Variants in CNTNAP5 observed in about 807,000 individuals in gnomAD.
CNTNAP5 encodes the protein contactin-associated protein-like 5.
In CNTNAP5, 72 loss-of-function variants were observed where a neutral mutation model predicts 150.2. The observed-to-expected ratio is 0.48, with a 90% CI of 0.40 to 0.58. The LOEUF is 0.58. Ranked by LOEUF, CNTNAP5 falls within the 20% of genes least tolerant of loss-of-function variation. CNTNAP5 has a pLI of 0.00. For synonymous variants in CNTNAP5, 672 were observed against 619.8 expected (o/e 1.08, Z -1.25); for missense variants, 1,636 against 1,626.2 (o/e 1.01, Z -0.10).
intron 13 of CNTNAP5, among the ~76,000 whole-genome samples, chr2:124,678,410 C>G (rs1678992411): frequency 6.6e-6 from 1 of 151,696 alleles, no homozygotes; most frequent in Non-Finnish European, 1.5e-5. Context: ...CTTCTCTCTG[C>G]TAATACCTAA....
intron 17 of CNTNAP5, among the ~76,000 whole-genome samples, chr2:124,774,150 G>A (rs1322261600): frequency 1.3e-5 from 2 of 151,974 alleles, no homozygotes; most frequent in Admixed American, 1.3e-4. Flanking sequence ...GAACAGTGAT[G>A]TAAATAAGTG....
At chr2:124,078,393 T>G (rs551951646) in intron 1 of CNTNAP5, among the ~76,000 whole-genome samples, 26 of 152,314 alleles carry the variant, frequency 1.7e-4, no homozygotes, top group Non-Finnish European at 1.5e-5. Flanking sequence ...AAATAAAGCC[T>G]CAGAAAAAAT....
At chr2:124,127,064 A>G (rs561399141) in intron 1 of CNTNAP5, among the ~76,000 whole-genome samples, 1 of 152,280 alleles carries the variant, frequency 6.6e-6, no homozygotes, top group African/African-American at 2.4e-5. Context: ...GGCCGGAGCA[A>G]TCTGGAAGGA....
chr2:124,674,542 T>TCTTTCTTTCTTC (rs1268056952), intron 13 of CNTNAP5, among the ~76,000 whole-genome samples: 3 of 144,546 alleles, frequency 2.1e-5, no homozygotes, highest in African/African-American at 7.7e-5. Flanking sequence ...TTTCTTTCTT[T>TCTTTCTTTCTTC]CTTTCTTTCT....
chr2:124,853,470 T>C (rs1179415146), intron 19 of CNTNAP5, among the ~76,000 whole-genome samples: 4 of 152,200 alleles, frequency 2.6e-5, no homozygotes, highest in African/African-American at 9.6e-5. Context: ...TGCAAATGGC[T>C]GCTAAGGTTC....
chr2:124,374,131 A>G (rs2104730248), intron 3 of CNTNAP5, among the ~76,000 whole-genome samples: 1 of 152,228 alleles, frequency 6.6e-6, no homozygotes, highest in East Asian at 1.9e-4. Flanking sequence ...GTAAAAATAA[A>G]TTCTTAGATT....
intron 19 of CNTNAP5, among the ~76,000 whole-genome samples, chr2:124,843,001 A>G (rs1044807336): frequency 6.6e-6 from 1 of 152,032 alleles, no homozygotes; most frequent in Non-Finnish European, 1.5e-5. Context: ...TGGTGCACAC[A>G]TCACACAAGC....
chr2:124,771,416 T>A (rs2104609519), intron 16 of CNTNAP5, among the ~76,000 whole-genome samples: 1 of 152,156 alleles, frequency 6.6e-6, no homozygotes, highest in East Asian at 1.9e-4. Flanking sequence ...CAGAGCAACA[T>A]CGTGAAGAAC....
At chr2:124,114,690 C>A (rs1683383268) in intron 1 of CNTNAP5, among the ~76,000 whole-genome samples, 1 of 151,694 alleles carries the variant, frequency 6.6e-6, no homozygotes, top group African/African-American at 2.4e-5. Context: ...CTTCTTCATT[C>A]ATAATCTTAG....
chr2:124,435,427 G>A (rs901659003), intron 5 of CNTNAP5, among the ~76,000 whole-genome samples: 1 of 151,758 alleles, frequency 6.6e-6, no homozygotes, highest in African/African-American at 2.4e-5. Flanking sequence ...AGGGTAAGCT[G>A]AGTACAAAAG....
In CNTNAP5 at chr2:124,286,445, G is replaced by A. The variant is rs144964009; in HGVS notation, c.381+44052G>A. 5.9e-4 allele frequency among the ~76,000 whole-genome samples: 90 copies of A among 152,294 alleles called. No individual in the cohort carries two copies. In the East Asian group the frequency reaches 0.014, roughly 24 times the overall value. ...TCCCACTTCTAGCTATCCTAATTTCGTTGTTCTGGACTGGGACTGAGCATC... is the reference window on the plus strand; with the variant it reads ...TCCCACTTCTAGCTATCCTAATTTCATTGTTCTGGACTGGGACTGAGCATC... On this transcript the variant is annotated intron_variant, in intron 3 of 23. Transcript: ENST00000682447.
At chr2:124,785,041 G>GAA (rs67254743) in intron 17 of CNTNAP5, among the ~76,000 whole-genome samples, 2,820 of 123,318 alleles carry the variant, frequency 0.023, 62 homozygotes, top group Middle Eastern at 0.073. Context: ...TTAAGGCTGA[G>GAA]AAAAAAAAAA....
At chr2:124,790,239 C>A in intron 18 of CNTNAP5, 98 bp downstream of exon 18, 1 of 1,281,384 alleles carries the variant, frequency 7.8e-7, no homozygotes, top group Non-Finnish European at 1.1e-6. Flanking sequence ...CAGTCTTTAT[C>A]ATCTACTCTC....
Position 124,865,416 on chromosome 2 carries a change from G to A in CNTNAP5, c.3328G>A (p.Gly1110Arg). ...GCACCACTTGAAGATTAACCGAGAG[G>A]GAAGAGAGCTTACCATTCAGGTACC... ...RMHHLKINRE[G>R]RELTIQMDQQ... is the part of the protein sequence containing the mutation. The change falls in exon 20 of 24, where the codon GGA becomes AGA. Residue 1110 changes from glycine to arginine, a missense_variant. Physicochemically the swap from Gly to Arg is moderately radical, Grantham distance 125. Coordinates refer to ENST00000682447, the MANE Select transcript of CNTNAP5 (RefSeq NM_001367498.1). 2 of 1,551,790 alleles carry A rather than the reference G, an allele frequency of 1.3e-6. No homozygotes were observed. Among genetic ancestry groups the A allele is most frequent in the Non-Finnish European group, 1.7e-6 (2 of 1,146,948 alleles).
intron 10 of CNTNAP5, among the ~76,000 whole-genome samples, chr2:124,538,393 G>T (rs138738320): frequency 6.6e-6 from 1 of 152,188 alleles, no homozygotes; most frequent in South Asian, 2.1e-4. Flanking sequence ...CATGAGAATC[G>T]TTTGAACCCA....
intron 17 of CNTNAP5, among the ~76,000 whole-genome samples, chr2:124,785,866 C>A (rs1426230177): frequency 6.6e-6 from 1 of 152,104 alleles, no homozygotes; most frequent in Non-Finnish European, 1.5e-5. Flanking sequence ...AGAGCAGGGG[C>A]TGAAGGTAGC....
intron 1 of CNTNAP5, among the ~76,000 whole-genome samples, chr2:124,176,251 A>G (rs1367787176): frequency 6.6e-6 from 1 of 152,240 alleles, no homozygotes; most frequent in Non-Finnish European, 1.5e-5. Flanking sequence ...AGGAGACAAT[A>G]CCACTATTTC....
intron 10 of CNTNAP5, among the ~76,000 whole-genome samples, chr2:124,531,182 G>T (rs934301916): frequency 2.6e-5 from 4 of 152,054 alleles, no homozygotes; most frequent in South Asian, 4.2e-4. Flanking sequence ...GTGCAACCTG[G>T]ATCCCTCACA....
chr2:124,619,261 C>T (rs924615540), intron 12 of CNTNAP5, among the ~76,000 whole-genome samples: 1 of 152,020 alleles, frequency 6.6e-6, no homozygotes, highest in South Asian at 2.1e-4. Context: ...AATTGGGTTT[C>T]TGGATGAAAA....
Sources: gnomAD v4.1 joint callset for allele counts (sites outside exome capture counted in the v4.1 genomes callset) on GRCh38, gnomAD v4.1.1 for gene constraint, MANE v1.5 for transcripts, NCBI Gene and HGNC (gene_info 2026-07-23, HGNC 2026-07-21) for gene names.